The following ULK4 variants were observed in gnomAD, a reference collection of about 807,000 sequenced individuals.
ULK4 encodes the protein inactive serine/threonine-protein kinase ULK4.
A neutral mutation model predicts 160.6 loss-of-function variants in ULK4; 133 were observed. That is an observed-to-expected ratio of 0.83 (90% CI 0.72 to 0.96). The LOEUF (loss-of-function observed/expected upper bound fraction) is 0.96, where lower values mean the gene tolerates loss of function less well. Among genes scored for constraint, ULK4 ranks in the 40% least tolerant of loss-of-function variants. The pLI is 0.00. For synonymous variants in ULK4, 534 were observed against 539.8 expected (o/e 0.99, Z 0.15); for missense variants, 1,580 against 1,499.5 (o/e 1.05, Z -0.89).
intron 22 of ULK4, among the ~76,000 whole-genome samples, chr3:41,736,121 T>G (rs867215491): frequency 2.0e-5 from 3 of 151,752 alleles, no homozygotes; most frequent in Middle Eastern, 3.4e-3. Context: ...TTTCAAGTCT[T>G]TGCTATTGTG....
chr3:41,399,842 A>G (rs1303841942), intron 34 of ULK4, among the ~76,000 whole-genome samples: 2 of 152,148 alleles, frequency 1.3e-5, no homozygotes, highest in African/African-American at 4.8e-5. Flanking sequence ...GGCTCAAGCA[A>G]TCCTCCTGCC....
At chr3:41,256,390 GAC>G (rs891453888) in intron 35 of ULK4, among the ~76,000 whole-genome samples, 1 of 152,158 alleles carries the variant, frequency 6.6e-6, no homozygotes, top group African/African-American at 2.4e-5. Context: ...CAGAAGGTCA[GAC>G]ACACAGATAA....
intron 32 of ULK4, among the ~76,000 whole-genome samples, chr3:41,490,996 G>C (rs2084737490): frequency 6.6e-6 from 1 of 152,028 alleles, no homozygotes; most frequent in Admixed American, 6.6e-5. Context: ...GTTGCAAAAA[G>C]AAAAAGAGTA....
intron 32 of ULK4, among the ~76,000 whole-genome samples, chr3:41,520,285 C>T (rs886094254): frequency 5.3e-5 from 8 of 151,806 alleles, no homozygotes; most frequent in African/African-American, 1.9e-4. Flanking sequence ...TTTCTAGGTA[C>T]CTCACACAAG....
At chr3:41,869,458 G>A (rs1471786954) in intron 17 of ULK4, among the ~76,000 whole-genome samples, 1 of 152,100 alleles carries the variant, frequency 6.6e-6, no homozygotes, top group African/African-American at 2.4e-5. Context: ...GCACACACCT[G>A]TAATCCCAGT....
intron 18 of ULK4, among the ~76,000 whole-genome samples, chr3:41,820,058 A>C (rs2041093032): frequency 6.6e-6 from 1 of 152,198 alleles, no homozygotes; most frequent in South Asian, 2.1e-4. Flanking sequence ...AAATTAGTGT[A>C]ATAACCACAA....
chr3:41,322,538 A>C lies in ULK4; in HGVS notation c.3679-72964T>G, dbSNP rs565340834. ...ACTGCAGACCACCTGCACTGGATAA[A>C]AAGCAGATTACTGAGTCCCACCCTA... On this transcript the variant is annotated intron_variant, in intron 35 of 36. Coordinates refer to ENST00000301831, the MANE Select transcript of ULK4 (RefSeq NM_017886.4). Among the ~76,000 whole-genome samples, 91 of 152,266 alleles carry C rather than the reference A, an allele frequency of 6.0e-4. 1 individual carries two copies. The highest frequency in any genetic ancestry group is 1.8e-3 in the Admixed American group (27 of 15,296).
intron 34 of ULK4, among the ~76,000 whole-genome samples, chr3:41,418,328 T>G (rs1380240130): frequency 1.5e-5 from 2 of 137,462 alleles, no homozygotes; most frequent in Non-Finnish European, 3.1e-5. Flanking sequence ...GACATACTTT[T>G]TTTCTTAATT....
At chr3:41,774,920 T>C (rs1208740860) in intron 21 of ULK4, among the ~76,000 whole-genome samples, 1 of 150,284 alleles carries the variant, frequency 6.7e-6, no homozygotes, top group Non-Finnish European at 1.5e-5. Context: ...ATGTCCTTTG[T>C]AGGGACATGG....
chr3:41,316,754 A>G (rs997189858), intron 35 of ULK4, among the ~76,000 whole-genome samples: 7 of 152,198 alleles, frequency 4.6e-5, no homozygotes, highest in Non-Finnish European at 5.9e-5. Context: ...AATTTAAAAA[A>G]TGGATATATT....
intron 34 of ULK4, among the ~76,000 whole-genome samples, chr3:41,443,507 C>T (rs2083220159): frequency 6.6e-6 from 1 of 152,234 alleles, no homozygotes; most frequent in South Asian, 2.1e-4. Context: ...GTGATGTGCA[C>T]CTGTTATTTA....
intron 17 of ULK4, among the ~76,000 whole-genome samples, chr3:41,836,971 G>C (rs1429533427): frequency 6.6e-6 from 1 of 152,152 alleles, no homozygotes; most frequent in Non-Finnish European, 1.5e-5. Context: ...AAAATAGTGT[G>C]GAAGCACTAC....
intron 34 of ULK4, among the ~76,000 whole-genome samples, chr3:41,398,791 AGTTT>A: frequency 6.6e-6 from 1 of 152,134 alleles, no homozygotes; most frequent in African/African-American, 2.4e-5. Flanking sequence ...CTTTTTAAAA[AGTTT>A]TTTTTATTAT....
intron 2 of ULK4, among the ~76,000 whole-genome samples, chr3:41,947,721 T>C (rs750601260): frequency 9.9e-5 from 15 of 152,196 alleles, no homozygotes; most frequent in Non-Finnish European, 2.2e-4. Context: ...CACAGGAGTT[T>C]CCAAGAGCTA....
chr3:41,776,862 A>G (rs1472708603), intron 21 of ULK4, among the ~76,000 whole-genome samples: 1 of 74,592 alleles, frequency 1.3e-5, no homozygotes, highest in East Asian at 2.8e-4. Context: ...ATGTTCATCA[A>G]GGATATTGGT....
intron 30 of ULK4, among the ~76,000 whole-genome samples, chr3:41,655,139 T>A (rs1255205454): frequency 1.3e-5 from 2 of 150,848 alleles, no homozygotes; most frequent in African/African-American, 4.9e-5. Context: ...TAAGATGCCA[T>A]CTCTACAAAA....
At chr3:41,869,601 T>C (rs1174083919) in intron 17 of ULK4, among the ~76,000 whole-genome samples, 1 of 152,018 alleles carries the variant, frequency 6.6e-6, no homozygotes, top group East Asian at 1.9e-4. Flanking sequence ...ACATATACAA[T>C]ATATACATAA....
chr3:41,626,927 T>C (rs891403566), intron 30 of ULK4, among the ~76,000 whole-genome samples: 5 of 152,134 alleles, frequency 3.3e-5, no homozygotes, highest in African/African-American at 1.2e-4. Context: ...TTCATGTCCA[T>C]TGAAAACAAA....
chr3:41,286,565 T>A (rs1249038937), intron 35 of ULK4, among the ~76,000 whole-genome samples: 2 of 151,984 alleles, frequency 1.3e-5, no homozygotes, highest in Non-Finnish European at 2.9e-5. Context: ...AGGCACATGA[T>A]AAACGTAGAA....
Sources: allele counts gnomAD v4.1 joint callset (sites outside exome capture counted in the v4.1 genomes callset), GRCh38; gene constraint gnomAD v4.1.1; transcripts MANE v1.5; gene names NCBI Gene and HGNC (gene_info 2026-07-23, HGNC 2026-07-21).